CEP55: variants seen among roughly 807,000 people sequenced by gnomAD.
CEP55 encodes the protein centrosomal protein 55, also known as centrosomal protein of 55 kDa.
CEP55 carries 57 observed loss-of-function variants against 63.2 expected under a neutral mutation model. That is an observed-to-expected ratio of 0.90 (90% CI 0.73 to 1.13). The LOEUF is 1.13. Ranked by LOEUF, CEP55 falls within the 50% of genes most tolerant of loss-of-function variation. The pLI is 0.00. For missense variants in CEP55, 456 were observed against 518.9 expected (o/e 0.88, Z 1.18); for synonymous variants, 178 against 191.6 (o/e 0.93, Z 0.59).
chr10:93,528,261 A>G lies in CEP55; in HGVS notation c.*108A>G, dbSNP rs574084114. The G allele has an allele frequency of 6.9e-4, 582 of 848,240 alleles. 6 individuals are homozygous for G. The highest frequency in any genetic ancestry group is 6.2e-3 in the South Asian group (373 of 60,000). The allele number at this position is 848,240 out of a possible 1,614,324, so 52.5% of individuals were successfully genotyped here. A position where few individuals can be genotyped will look rare whatever the true frequency, so the allele number is the denominator to read the frequency against. On this transcript the variant is annotated 3_prime_UTR_variant, in exon 9 of 9. Transcript: ENST00000371485. ...ACATTTTGCATAAAACTGCCTATCT[A>G]CCTTTGACACTCCAGCATGCTAGTG...
In CEP55 at chr10:93,507,154, C is replaced by T. The variant is rs1589649081; in HGVS notation, c.528+98C>T. ...CAACATTAGTGCTGTGACAGAAAAACTGAATGGTTTGAGAGCTTCATTTAA... is the reference window on the plus strand; with the variant it reads ...CAACATTAGTGCTGTGACAGAAAAATTGAATGGTTTGAGAGCTTCATTTAA... On this transcript the variant is annotated intron_variant, in intron 4 of 8. Transcript: ENST00000371485. 5 of 669,740 alleles carry T rather than the reference C, an allele frequency of 7.5e-6. No homozygotes were observed. In the East Asian group the frequency reaches 1.4e-4, roughly 18 times the overall value. 41.5% of individuals were successfully genotyped at this position (669,740 alleles called of 1,614,324 possible). A position where few individuals can be genotyped will look rare whatever the true frequency, so the allele number is the denominator to read the frequency against.
chr10:93,506,083 T>C (rs1418783106), intron 3 of CEP55, among the ~76,000 whole-genome samples: 2 of 151,922 alleles, frequency 1.3e-5, no homozygotes, highest in African/African-American at 2.4e-5. Flanking sequence ...TAGCTGGGAC[T>C]ACAGGTGCGC....
At chr10:93,518,053 A>G (rs2057821909) in intron 6 of CEP55, among the ~76,000 whole-genome samples, 1 of 152,212 alleles carries the variant, frequency 6.6e-6, no homozygotes, top group Non-Finnish European at 1.5e-5. Context: ...TATTGCTACT[A>G]TTTTAATAAT....
intron 2 of CEP55, among the ~76,000 whole-genome samples, chr10:93,500,541 G>C (rs2057622746): frequency 6.6e-6 from 1 of 152,110 alleles, no homozygotes; most frequent in Non-Finnish European, 1.5e-5. Context: ...CTTTAACATG[G>C]TCTGTTTCAC....
intron 4 of CEP55, among the ~76,000 whole-genome samples, chr10:93,507,368 G>C: frequency 6.6e-6 from 1 of 151,344 alleles, no homozygotes; most frequent in Admixed American, 6.6e-5. Flanking sequence ...TTACAGGCAC[G>C]AGCCACCACA....
rs1332052896 is a variant in CEP55 at position 93,519,739 on chromosome 10, C to G, written c.1123C>G (p.His375Asp). ...NEKLDRQHVQ[H>D]QLHVILKELR... ...AAAACTCGACCGTCAACATGTGCAGCATCAATTGCATGTAATTCTTAAGGA... is the reference window on the plus strand; with the variant it reads ...AAAACTCGACCGTCAACATGTGCAGGATCAATTGCATGTAATTCTTAAGGA... Residue 375 changes from histidine (H) to aspartate (D), a missense_variant, in exon 8 of 9, where the codon CAT becomes GAT. Coordinates refer to ENST00000371485, the MANE Select transcript of CEP55 (RefSeq NM_018131.5). The G allele has an allele frequency of 4.3e-6, 7 of 1,613,924 alleles. No individual in the cohort carries two copies. In the African/African-American group the frequency reaches 9.3e-5, roughly 22 times the overall value.
intron 4 of CEP55, among the ~76,000 whole-genome samples, 184 bp downstream of exon 4, chr10:93,507,240 T>TC (rs1406660387): frequency 4.6e-5 from 7 of 151,824 alleles, no homozygotes; most frequent in African/African-American, 1.7e-4. Flanking sequence ...TTTTTTTTTT[T>TC]TCCTGAGGCA....
chr10:93,510,977 C>T (rs2057741859), intron 4 of CEP55, among the ~76,000 whole-genome samples: 1 of 136,718 alleles, frequency 7.3e-6, no homozygotes, highest in East Asian at 2.4e-4. Flanking sequence ...CTCACTCTGT[C>T]GCCGAGGCTG....
intron 8 of CEP55, among the ~76,000 whole-genome samples, chr10:93,523,481 A>G (rs1244202669): frequency 6.6e-6 from 1 of 152,164 alleles, no homozygotes; most frequent in Non-Finnish European, 1.5e-5. Flanking sequence ...CTCCCACACG[A>G]TAATAATGGG....
At chr10:93,519,173 T>C in intron 7 of CEP55, 1 of 478,158 alleles carries the variant, frequency 2.1e-6, no homozygotes, top group East Asian at 3.3e-5. Context: ...TGAGGTGTGA[T>C]GGCAGTTTTC....
At chr10:93,503,534 T>G in intron 3 of CEP55, 146 bp downstream of exon 3, 1 of 743,602 alleles carries the variant, frequency 1.3e-6, no homozygotes, top group Non-Finnish European at 2.1e-6. Context: ...CTTCACTTTT[T>G]TTAATAGCCC....
At chr10:93,516,047 A>G (rs1193011460) in intron 5 of CEP55, among the ~76,000 whole-genome samples, 2 of 152,186 alleles carry the variant, frequency 1.3e-5, no homozygotes, top group African/African-American at 4.8e-5. Context: ...CCTTACATAG[A>G]TCTTAGTGGA....
At chr10:93,506,190 C>G (rs1408372379) in intron 3 of CEP55, among the ~76,000 whole-genome samples, 1 of 152,186 alleles carries the variant, frequency 6.6e-6, no homozygotes, top group East Asian at 1.9e-4. Flanking sequence ...ATCCTACCCG[C>G]CTTGCCCTCC....
At chr10:93,501,401 G>A (rs1313543523) in intron 2 of CEP55, among the ~76,000 whole-genome samples, 1 of 152,150 alleles carries the variant, frequency 6.6e-6, no homozygotes, top group Non-Finnish European at 1.5e-5. Context: ...GAAAATAAAT[G>A]GTTAAGGCCG....
chr10:93,517,309 C>T lies in CEP55; in HGVS notation c.993+61C>T. 2.2e-6 allele frequency: 3 copies of T among 1,371,288 alleles called. No individual in the cohort carries two copies. The South Asian group carries it at 4.3e-5, about 20-fold the overall frequency. The allele number at this position is 1,371,288 out of a possible 1,614,324, so 84.9% of individuals were successfully genotyped here. A position where few individuals can be genotyped will look rare whatever the true frequency, so the allele number is the denominator to read the frequency against. ...CCGAACACTTTCTAAGTGTCAGGGA[C>T]TATTTGACCACTAGAGAACTGGCTA... On this transcript the variant is annotated intron_variant, in intron 6 of 8. Transcript: ENST00000371485.
intron 2 of CEP55, 148 bp downstream of exon 2, chr10:93,500,382 A>G (rs1031888853): frequency 1.5e-6 from 1 of 679,418 alleles, no homozygotes; most frequent in Non-Finnish European, 2.5e-6. Flanking sequence ...TTAGAATCTT[A>G]AATTCCTACT....
chr10:93,502,756 T>A (rs1165275502), intron 2 of CEP55, among the ~76,000 whole-genome samples: 1 of 152,200 alleles, frequency 6.6e-6, no homozygotes, highest in African/African-American at 2.4e-5. Flanking sequence ...TAGCTCTTAG[T>A]TTTTACAAGA....
Position 93,517,229 on chromosome 10 carries a change from C to T in CEP55, c.974C>T (p.Ser325Phe), listed in dbSNP as rs1344961608. 6.3e-7 allele frequency: 1 copy of T among 1,599,656 alleles called. No individual in the cohort carries two copies. Among genetic ancestry groups the T allele is most frequent in the Non-Finnish European group, 8.5e-7 (1 of 1,173,410 alleles). The change falls in exon 6 of 9, where the codon TCC becomes TTC. Residue 325 changes from serine to phenylalanine, a missense_variant. Ser to Phe is a radical substitution (Grantham distance 155). Coordinates refer to ENST00000371485, the MANE Select transcript of CEP55 (RefSeq NM_018131.5). Reference protein sequence around the residue: ...RGKLEEEKKRSEELLSQVQFL... With the variant: ...RGKLEEEKKRFEELLSQVQFL... Reference sequence around the variant, plus strand: ...AAACTTGAAGAAGAGAAGAAGAGATCCGAAGAGCTCTTATCTCAGGTAAAC... The same window carrying T: ...AAACTTGAAGAAGAGAAGAAGAGATTCGAAGAGCTCTTATCTCAGGTAAAC...
intron 3 of CEP55, among the ~76,000 whole-genome samples, chr10:93,503,641 G>C (rs2134459484): frequency 6.6e-6 from 1 of 152,160 alleles, no homozygotes; most frequent in Non-Finnish European, 1.5e-5. Flanking sequence ...AGCATCTACT[G>C]TGTATTTACA....
Sources: allele counts gnomAD v4.1 joint callset (sites outside exome capture counted in the v4.1 genomes callset), GRCh38; gene constraint gnomAD v4.1.1; transcripts MANE v1.5; gene names NCBI Gene and HGNC (gene_info 2026-07-23, HGNC 2026-07-21).